SDK2: variants seen among roughly 807,000 people sequenced by gnomAD.
SDK2 encodes the protein protein sidekick-2.
In SDK2, 105 loss-of-function variants were observed where a neutral mutation model predicts 253.9. The ratio of observed to expected loss-of-function variants is 0.41; its 90% CI spans 0.35 to 0.49. The LOEUF (loss-of-function observed/expected upper bound fraction) is 0.49, where lower values mean the gene tolerates loss of function less well. SDK2 is among the 20% of genes least tolerant of loss of function. SDK2 has a pLI of 0.06. For synonymous variants in SDK2, 1,249 were observed against 1,234.9 expected (o/e 1.01, Z -0.24); for missense variants, 2,608 against 3,003.0 (o/e 0.87, Z 3.07).
chr17:73,632,361 C>T (rs1056809761), intron 1 of SDK2, among the ~76,000 whole-genome samples: 1 of 152,228 alleles, frequency 6.6e-6, no homozygotes, highest in Non-Finnish European at 1.5e-5. Flanking sequence ...ATTTGACTTG[C>T]TGAGTCTTCC....
chr17:73,626,231 G>T (rs753429558), intron 1 of SDK2, among the ~76,000 whole-genome samples: 2 of 152,238 alleles, frequency 1.3e-5, no homozygotes, highest in Non-Finnish European at 2.9e-5. Context: ...AGCGAGCTGG[G>T]GAACAGATCC....
chr17:73,516,239 G>C (rs1249183046), intron 1 of SDK2, among the ~76,000 whole-genome samples: 1 of 152,192 alleles, frequency 6.6e-6, no homozygotes, highest in Non-Finnish European at 1.5e-5. Flanking sequence ...GGTTGCAAAC[G>C]CCTGCGTGGA....
At chr17:73,446,337 G>A (rs1414017277) in intron 5 of SDK2, among the ~76,000 whole-genome samples, 2 of 152,176 alleles carry the variant, frequency 1.3e-5, no homozygotes, top group East Asian at 1.9e-4. Flanking sequence ...ACCCTGACTC[G>A]ATGTCAGAGG....
chr17:73,407,361 A>C (rs1407713945), intron 18 of SDK2, among the ~76,000 whole-genome samples: 1 of 152,200 alleles, frequency 6.6e-6, no homozygotes, highest in Non-Finnish European at 1.5e-5. Context: ...GAGGCCAATG[A>C]TGGGTCCATT....
intron 1 of SDK2, among the ~76,000 whole-genome samples, chr17:73,562,804 G>C (rs988565970): frequency 1.3e-5 from 2 of 152,246 alleles, no homozygotes; most frequent in Non-Finnish European, 2.9e-5. Flanking sequence ...CCACGTCTGC[G>C]TTTTGTAAGC....
intron 1 of SDK2, among the ~76,000 whole-genome samples, chr17:73,586,393 C>A (rs1346891400): frequency 1.3e-5 from 2 of 152,164 alleles, no homozygotes; most frequent in East Asian, 1.9e-4. Flanking sequence ...CCGCCCCTCT[C>A]CCCCTCGCTG....
chr17:73,391,947 T>C (rs2062931767), intron 27 of SDK2, among the ~76,000 whole-genome samples: 1 of 100,364 alleles, frequency 1.0e-5, no homozygotes, highest in Non-Finnish European at 1.8e-5. Context: ...ACCCCCAGCC[T>C]GCACCACTCC....
intron 18 of SDK2, among the ~76,000 whole-genome samples, chr17:73,412,297 T>C (rs995040092): frequency 6.7e-6 from 1 of 150,310 alleles, no homozygotes; most frequent in Non-Finnish European, 1.5e-5. Flanking sequence ...TATATATATG[T>C]GTGTATATAT....
intron 21 of SDK2, 90 bp from the exon 22 acceptor site, chr17:73,399,379 G>A (rs2063002556): frequency 7.3e-7 from 1 of 1,365,560 alleles, no homozygotes; most frequent in African/African-American, 1.4e-5. Context: ...GGGGCTGTGT[G>A]TCACGCTTTT....
At position 73,530,296 on chromosome 17, in the gene SDK2, G is replaced by C. The variant is rs537517853; in HGVS notation, c.65-22699C>G. Among the ~76,000 whole-genome samples the C allele has an allele frequency of 1.1e-4, 16 of 152,340 alleles. No individual in the cohort carries two copies. The South Asian group carries it at 2.7e-3, about 26-fold the overall frequency. Reference sequence around the variant, plus strand: ...AGGGAAACTTACAATCATGGCAGAAGGCGAAGGGGAAGCAAGGCACGTCTT... The same window carrying C: ...AGGGAAACTTACAATCATGGCAGAACGCGAAGGGGAAGCAAGGCACGTCTT... On this transcript the variant is annotated intron_variant, in intron 1 of 44. Transcript: ENST00000392650.
chr17:73,564,316 T>A (rs891235032), intron 1 of SDK2, among the ~76,000 whole-genome samples: 5 of 152,226 alleles, frequency 3.3e-5, no homozygotes, highest in Non-Finnish European at 4.4e-5. Flanking sequence ...CTTCTATCAC[T>A]ACAGAAAGTT....
chr17:73,366,723 G>C (rs1358515594), intron 37 of SDK2, among the ~76,000 whole-genome samples: 1 of 152,142 alleles, frequency 6.6e-6, no homozygotes, highest in East Asian at 1.9e-4. Flanking sequence ...CGTGAGATGA[G>C]GGTGCTGCCT....
chr17:73,388,137 G>A, intron 29 of SDK2, 100 bp from the exon 30 acceptor site: 3 of 815,732 alleles, frequency 3.7e-6, no homozygotes, highest in Non-Finnish European at 5.9e-6. Context: ...CTGGGCTCAG[G>A]CCTGGCATCC....
chr17:73,352,435 G>T lies in SDK2; in HGVS notation c.5758+38C>A. The stretch of plus-strand genomic sequence containing the variant: ...CCAGTGTCAGCCCCCAGGCTCTGCT[G>T]TGGGGCTCCCCCACTCCCTCAGCCC... On this transcript the variant is annotated intron_variant, in intron 41 of 44. Coordinates refer to ENST00000392650, the MANE Select transcript of SDK2 (RefSeq NM_001144952.2). This position sits in a 1 kb window ranked among gnomAD's most constrained non-coding sequence, Gnocchi z 4.1. The T allele has an allele frequency of 6.3e-7, 1 of 1,585,760 alleles. No individual in the cohort carries two copies. The highest frequency in any genetic ancestry group is 8.6e-7 in the Non-Finnish European group (1 of 1,165,856).
At position 73,388,003 on chromosome 17, in the gene SDK2, C is replaced by A. The variant is rs2062888347; in HGVS notation, c.4227G>T (p.Gln1409His). 1.3e-6 allele frequency: 2 copies of A among 1,569,500 alleles called. No individual in the cohort carries two copies. The highest frequency in any genetic ancestry group is 2.4e-5 in the East Asian group (1 of 42,282). The change falls in exon 30 of 45, where the codon CAG becomes CAT. Residue 1409 changes from glutamine (Q) to histidine (H), a missense_variant. Coordinates refer to ENST00000392650, the MANE Select transcript of SDK2 (RefSeq NM_001144952.2). ...RPQPPSRPMVQQEDVRARSVL... is the reference protein window; with the variant it reads ...RPQPPSRPMVHQEDVRARSVL... ...CGCTGCGTGCTCTCACATCCTCCTG[C>A]TGCACCATCGGCCTGCTGGGGGGCT...
At chr17:73,369,747 C>T (rs994501290) in intron 36 of SDK2, among the ~76,000 whole-genome samples, 3 of 152,144 alleles carry the variant, frequency 2.0e-5, no homozygotes, top group Admixed American at 2.0e-4. Context: ...CACGGGTTCA[C>T]GCCATTCTCC....
intron 1 of SDK2, among the ~76,000 whole-genome samples, chr17:73,560,145 A>G (rs2145850104): frequency 6.6e-6 from 1 of 152,334 alleles, no homozygotes; most frequent in South Asian, 2.1e-4. Context: ...AAGCTCTTAC[A>G]GCCTCAGTTT....
intron 1 of SDK2, among the ~76,000 whole-genome samples, chr17:73,508,809 G>T (rs1262416731): frequency 6.6e-6 from 1 of 152,176 alleles, no homozygotes; most frequent in African/African-American, 2.4e-5. Flanking sequence ...GCCAAAACCC[G>T]GGTGGGAGGA....
At chr17:73,440,791 G>C (rs769260333) in intron 6 of SDK2, 21 bp downstream of exon 6, 1 of 1,516,028 alleles carries the variant, frequency 6.6e-7, no homozygotes, top group African/African-American at 1.4e-5. Flanking sequence ...GTGCGGGAGC[G>C]AGGGAAGATG....
Sources: gnomAD v4.1 joint callset for allele counts (sites outside exome capture counted in the v4.1 genomes callset) on GRCh38, gnomAD v4.1.1 for gene constraint, Gnocchi (gnomAD v3.1) non-coding constraint, MANE v1.5 for transcripts, NCBI Gene and HGNC (gene_info 2026-07-23, HGNC 2026-07-21) for gene names.